The following PREX2 variants were observed in gnomAD, a reference collection of about 807,000 sequenced individuals.
PREX2 encodes phosphatidylinositol 3,4,5-trisphosphate-dependent Rac exchanger 2 protein.
In PREX2, 107 loss-of-function variants were observed where a neutral mutation model predicts 203.2. The ratio of observed to expected loss-of-function variants is 0.53; its 90% CI spans 0.45 to 0.62. The LOEUF (loss-of-function observed/expected upper bound fraction) is 0.62. Ranked by LOEUF, PREX2 falls within the 20% of genes least tolerant of loss-of-function variation. PREX2 has a pLI of 0.00. For synonymous variants in PREX2, 672 were observed against 663.6 expected, an observed-to-expected ratio of 1.01 and a Z score of -0.19; for missense variants, 1,777 against 1,955.9, an observed-to-expected ratio of 0.91 and a Z score of 1.72.
At chr8:68,119,024 A>G (rs983776222) in intron 27 of PREX2, among the ~76,000 whole-genome samples, 2 of 152,202 alleles carry the variant, frequency 1.3e-5, no homozygotes, top group African/African-American at 4.8e-5. Context: ...AGCTAGCTTT[A>G]TATGTGGATG....
chr8:67,968,091 C>T (rs903265244), intron 1 of PREX2, among the ~76,000 whole-genome samples: 2 of 151,552 alleles, frequency 1.3e-5, no homozygotes, highest in Non-Finnish European at 2.9e-5. Flanking sequence ...AAAAGAGTAC[C>T]TTGCAAACCC....
intron 37 of PREX2, among the ~76,000 whole-genome samples, chr8:68,216,252 A>G (rs903188569): frequency 6.6e-6 from 1 of 152,198 alleles, no homozygotes; most frequent in Non-Finnish European, 1.5e-5. Context: ...CATAACCAAG[A>G]ACTTCTGTGT....
chr8:68,077,599 G>C, intron 15 of PREX2, 130 bp downstream of exon 15: 1 of 722,756 alleles, frequency 1.4e-6, no homozygotes, highest in Non-Finnish European at 2.5e-6. Flanking sequence ...TCTTGCCATG[G>C]GTTCAGGTTG....
At chr8:68,089,702 A>G (rs149251704) in intron 19 of PREX2, among the ~76,000 whole-genome samples, 25 of 152,362 alleles carry the variant, frequency 1.6e-4, no homozygotes, top group African/African-American at 6.0e-4. Context: ...ATGCAAAGAT[A>G]TATTCTTGAA....
In PREX2 at chr8:68,152,029, C is replaced by T. The variant is rs1811444716; in HGVS notation, c.4232-5293C>T. 2.0e-5 allele frequency among the ~76,000 whole-genome samples: 3 copies of T among 151,610 alleles called. No individual in the cohort carries two copies. In the South Asian group the frequency reaches 6.2e-4, roughly 31 times the overall value. On this transcript the variant is annotated intron_variant, in intron 34 of 39. Coordinates refer to ENST00000288368, the MANE Select transcript of PREX2 (RefSeq NM_024870.4). ...TCTTGGCCAGGCGTGGTGGCTCACG[C>T]CTGTAATCCCAGCACTTTGGGAGGC...
intron 37 of PREX2, among the ~76,000 whole-genome samples, chr8:68,216,986 T>TGAGA (rs957650026): frequency 7.9e-6 from 1 of 127,154 alleles, no homozygotes; most frequent in Non-Finnish European, 1.6e-5. Context: ...AAAAAAAAAA[T>TGAGA]GAGAGAGAGA....
intron 11 of PREX2, among the ~76,000 whole-genome samples, chr8:68,067,718 C>G (rs552423090): frequency 6.6e-6 from 1 of 152,066 alleles, no homozygotes; most frequent in Admixed American, 6.6e-5. Context: ...ATTTCTTTTT[C>G]TCCCCTAATT....
chr8:68,032,675 T>A (rs113615364), intron 6 of PREX2, among the ~76,000 whole-genome samples: 80 of 152,304 alleles, frequency 5.3e-4, no homozygotes, highest in African/African-American at 1.9e-3. Flanking sequence ...ACAGGCTGAA[T>A]TCAGGCCCTG....
At chr8:68,072,694 T>C (rs946194758) in intron 14 of PREX2, 124 bp downstream of exon 14, 4 of 559,430 alleles carry the variant, frequency 7.2e-6, no homozygotes, top group Non-Finnish European at 1.3e-5. Flanking sequence ...TACATACAAC[T>C]AATAGGAAGC....
intron 1 of PREX2, among the ~76,000 whole-genome samples, chr8:68,009,579 G>A (rs1476653069): frequency 1.3e-5 from 2 of 152,088 alleles, no homozygotes; most frequent in South Asian, 2.1e-4. Context: ...GTTTTATTTC[G>A]TGTTTTTCAC....
rs1813231504 is a variant in PREX2 at position 68,234,574 on chromosome 8, T to C, written c.*3196T>C. On this transcript the variant is annotated 3_prime_UTR_variant, in exon 40 of 40. Transcript: ENST00000288368. ...AATTTGAGAAGATTAGAATTTTACA[T>C]GTATTTCCATTCCTATTTAAAGAGA... 6.6e-6 allele frequency: 1 copy of C among 152,224 alleles called. No individual in the cohort carries two copies. The highest frequency in any genetic ancestry group is 2.1e-4 in the South Asian group (1 of 4,838). 9.4% of individuals were successfully genotyped at this position (152,224 alleles called of 1,614,324 possible). A position where few individuals can be genotyped will look rare whatever the true frequency, so the allele number is the denominator to read the frequency against.
chr8:68,038,039 T>G (rs975387160), intron 6 of PREX2, 120 bp from the exon 7 acceptor site: 1 of 1,055,352 alleles, frequency 9.5e-7, no homozygotes, highest in Admixed American at 2.2e-5. Flanking sequence ...TGCTTGCACT[T>G]TAGCCTGTGC....
rs920837926 is a variant in PREX2, at chr8:68,009,172, C to A, written c.142-8674C>A. On this transcript the variant is annotated intron_variant, in intron 1 of 39. Transcript: ENST00000288368. ...TCTCTGGGTTTTCCAGCACTAAATACGTTTCCTTCTACACTGCTTACATTT... is the reference window on the plus strand; with the variant it reads ...TCTCTGGGTTTTCCAGCACTAAATAAGTTTCCTTCTACACTGCTTACATTT... 2.6e-4 allele frequency among the ~76,000 whole-genome samples: 39 copies of A among 152,168 alleles called. 1 individual carries two copies. Among genetic ancestry groups the A allele is most frequent in the Admixed American group, 2.2e-3 (34 of 15,276 alleles).
Position 67,952,256 on chromosome 8 carries a change from A to G in PREX2, c.-139A>G. 3 of 654,672 alleles carry G rather than the reference A, an allele frequency of 4.6e-6. No individual in the cohort carries two copies. Among genetic ancestry groups the G allele is most frequent in the Non-Finnish European group, 4.4e-6 (2 of 457,424 alleles). The allele number at this position is 654,672 out of a possible 1,614,324, so 40.6% of individuals were successfully genotyped here. On this transcript the variant is annotated 5_prime_UTR_variant, in exon 1 of 40. An upstream start codon of the reference 5' UTR is lost. Coordinates refer to ENST00000288368, the MANE Select transcript of PREX2 (RefSeq NM_024870.4). ...TCCCTGCGCCCAGCCTCTCCCCAGC[A>G]TGTAAAGTCTTCTGTCTCTCCTCGG... is the stretch of plus-strand genomic sequence containing the variant.
At chr8:68,129,124 C>A (rs996271544) in intron 31 of PREX2, among the ~76,000 whole-genome samples, 7 of 152,116 alleles carry the variant, frequency 4.6e-5, no homozygotes, top group African/African-American at 1.7e-4. Context: ...GACATTCTGG[C>A]AGATTAATAA....
chr8:67,964,851 A>G (rs1432851664), intron 1 of PREX2, among the ~76,000 whole-genome samples: 1 of 152,174 alleles, frequency 6.6e-6, no homozygotes, highest in Admixed American at 6.5e-5. Context: ...ACCTGGGGAC[A>G]TTTTGGTCAG....
In PREX2 at chr8:68,043,988, T is replaced by C. The variant is rs554189955; in HGVS notation, c.840-499T>C. On this transcript the variant is annotated intron_variant, in intron 7 of 39. Transcript: ENST00000288368. ...CAACAAGTATACAGTGATTATATTA[T>C]AAAAATATGATAGGAGAAATATTTT... Among the ~76,000 whole-genome samples, 26 of 152,234 alleles carry C rather than the reference T, an allele frequency of 1.7e-4. No individual in the cohort carries two copies. The Middle Eastern group carries it at 0.01, about 60-fold the overall frequency.
intron 26 of PREX2, among the ~76,000 whole-genome samples, 200 bp from the exon 27 acceptor site, chr8:68,118,350 G>A (rs1376534664): frequency 6.2e-5 from 9 of 144,242 alleles, no homozygotes; most frequent in Non-Finnish European, 7.5e-5. Context: ...GCGAAACTCC[G>A]TCTCCAAAAA....
At chr8:68,225,318 A>AT (rs1354556495) in intron 39 of PREX2, among the ~76,000 whole-genome samples, 9 of 152,224 alleles carry the variant, frequency 5.9e-5, no homozygotes, top group African/African-American at 2.4e-5. Flanking sequence ...ACACAGCATC[A>AT]TAAGAAAGGA....
Sources: gnomAD v4.1 joint callset for allele counts (sites outside exome capture counted in the v4.1 genomes callset) on GRCh38, gnomAD v4.1.1 for gene constraint, MANE v1.5 for transcripts, NCBI Gene and HGNC (gene_info 2026-07-23, HGNC 2026-07-21) for gene names.